Variants in PTPRN observed in about 807,000 individuals in gnomAD.
PTPRN encodes the protein receptor-type tyrosine-protein phosphatase-like N.
A neutral mutation model predicts 108.5 loss-of-function variants in PTPRN; 70 were observed. That is an observed-to-expected ratio of 0.65 (90% confidence interval 0.53 to 0.79). The LOEUF (loss-of-function observed/expected upper bound fraction) is 0.79, where lower values mean the gene tolerates loss of function less well. PTPRN is among the 30% of genes least tolerant of loss of function. The probability of loss-of-function intolerance (pLI) is 0.00; values close to 1 mark genes in which losing one functional copy is unlikely to be tolerated. For missense variants in PTPRN, 1,136 were observed against 1,295.5 expected, an observed-to-expected ratio of 0.88 and a Z score of 1.89; for synonymous variants, 496 against 524.6, an observed-to-expected ratio of 0.95 and a Z score of 0.75.
At position 219,296,841 on chromosome 2, in the gene PTPRN, C is replaced by T. The variant is rs770541820; in HGVS notation, c.2237-19G>A. On this transcript the variant is annotated intron_variant, in intron 15 of 22. Transcript: ENST00000295718. The surrounding 1 kb of genome is among the most constrained non-coding windows in gnomAD (Gnocchi z 6.0). ...TGGTCATCTGCACAGACCCGACACC[C>T]CACCCCAGATGGCCCTCTGGTCATT... is the stretch of plus-strand genomic sequence containing the variant. 10 of 1,613,978 alleles carry T rather than the reference C, an allele frequency of 6.2e-6. No homozygotes were observed. Among genetic ancestry groups the T allele is most frequent in the Non-Finnish European group, 8.5e-6 (10 of 1,180,004 alleles).
At position 219,298,111 on chromosome 2, in the gene PTPRN, A is replaced by G; in HGVS notation, c.1669-8T>C. 1 of 1,610,472 alleles carries G rather than the reference A, an allele frequency of 6.2e-7. No homozygotes were observed. The highest frequency in any genetic ancestry group is 8.5e-7 in the Non-Finnish European group (1 of 1,179,560). The stretch of plus-strand genomic sequence containing the variant: ...TGCAGCTGCCTCCTCCCTCTGTGGG[A>G]ACAAGGCTAGAATCAAGGGAGGCAG... On this transcript the variant is annotated splice_polypyrimidine_tract_variant and splice_region_variant and intron_variant, in intron 12 of 22. Transcript: ENST00000295718.
chr2:219,291,001 C>T (rs1952042383), intron 20 of PTPRN, 111 bp from the exon 21 acceptor site: 5 of 1,073,364 alleles, frequency 4.7e-6, no homozygotes, highest in East Asian at 4.9e-5. Flanking sequence ...CTGGGTGACC[C>T]GTTGGGGTTG....
At chr2:219,291,039 T>C in intron 20 of PTPRN, 149 bp from the exon 21 acceptor site, 2 of 739,586 alleles carry the variant, frequency 2.7e-6, no homozygotes, top group Non-Finnish European at 4.7e-6. Flanking sequence ...GAGCCGAGGA[T>C]GAAGGAAAGC....
At chr2:219,298,171 C>A in intron 12 of PTPRN, 68 bp from the exon 13 acceptor site, 2 of 1,472,030 alleles carry the variant, frequency 1.4e-6, no homozygotes, top group East Asian at 2.3e-5. Context: ...CTCCTCACCC[C>A]GGTCCCATGC....
At chr2:219,291,641 A>G in intron 19 of PTPRN, 118 bp from the exon 20 acceptor site, 1 of 1,073,186 alleles carries the variant, frequency 9.3e-7, no homozygotes, top group African/African-American at 1.6e-5. Flanking sequence ...CGGGGCAGAG[A>G]GGGAAGATGG....
At chr2:219,307,604 T>A in intron 2 of PTPRN, 47 bp from the exon 3 acceptor site, 1 of 1,565,782 alleles carries the variant, frequency 6.4e-7, no homozygotes, top group Non-Finnish European at 8.8e-7. Context: ...ATAAGAGGCC[T>A]TCCAAAGTCC....
intron 7 of PTPRN, among the ~76,000 whole-genome samples, chr2:219,301,224 C>T (rs1394890400): frequency 6.6e-6 from 1 of 152,190 alleles, no homozygotes; most frequent in Non-Finnish European, 1.5e-5. Flanking sequence ...CAAAGCTATT[C>T]TTTGTTCAGT....
Position 219,295,148 on chromosome 2 carries a change from G to A in PTPRN, c.2509-7C>T, listed in dbSNP as rs752405911. On this transcript the variant is annotated splice_region_variant and splice_polypyrimidine_tract_variant and intron_variant, in intron 18 of 22. Transcript: ENST00000295718. The stretch of plus-strand genomic sequence containing the variant: ...GCTCCGACACCAGGTTCACCTGCCC[G>A]GCAGGGGCCCAGGCCTGAGCGCCGC... 2.5e-6 allele frequency: 4 copies of A among 1,608,378 alleles called. No individual in the cohort carries two copies. The East Asian group carries it at 6.8e-5, about 27-fold the overall frequency.
rs556750300 is a variant in PTPRN at position 219,295,999 on chromosome 2, CACACAT to C, written c.2508+221_2508+226del. On this transcript the variant is annotated intron_variant, in intron 18 of 22. Coordinates refer to ENST00000295718, the MANE Select transcript of PTPRN (RefSeq NM_002846.4). Reference sequence around the variant, plus strand: ...GGACACACACACACACACACACACACACACATGTATGTTCTGTAAACAGGACACACA... The same window carrying C: ...GGACACACACACACACACACACACACGTATGTTCTGTAAACAGGACACACA... 2.1e-3 allele frequency: 1,244 copies of C among 588,558 alleles called. 11 individuals carry two copies. Among genetic ancestry groups the C allele is most frequent in the African/African-American group, 0.019 (1,008 of 52,968 alleles). 36.5% of individuals were successfully genotyped at this position (588,558 alleles called of 1,614,324 possible).
chr2:219,291,892 C>A (rs1287238226), intron 19 of PTPRN: 1 of 320,176 alleles, frequency 3.1e-6, no homozygotes, highest in South Asian at 3.4e-5. Context: ...GTCTGGCACA[C>A]AATAGGTGCT....
Position 219,295,161 on chromosome 2 carries a change from GC to G in PTPRN, c.2509-21del. 3 of 1,598,972 alleles carry G rather than the reference GC, an allele frequency of 1.9e-6. No homozygotes were observed. Among genetic ancestry groups the G allele is most frequent in the Non-Finnish European group, 2.6e-6 (3 of 1,173,464 alleles). The stretch of plus-strand genomic sequence containing the variant: ...GTTCACCTGCCCGGCAGGGGCCCAG[GC>G]CTGAGCGCCGCGGGCTGCCCCAGTC... On this transcript the variant is annotated intron_variant, in intron 18 of 22. Coordinates refer to ENST00000295718, the MANE Select transcript of PTPRN (RefSeq NM_002846.4).
Position 219,296,001 on chromosome 2 carries a change from CACAT to C in PTPRN, c.2508+221_2508+224del, listed in dbSNP as rs200697343. The C allele has an allele frequency of 2.1e-3, 1,227 of 583,604 alleles. 5 individuals carry two copies. Among genetic ancestry groups the C allele is most frequent in the East Asian group, 0.013 (402 of 30,806 alleles). 36.2% of individuals were successfully genotyped at this position (583,604 alleles called of 1,614,324 possible). A position where few individuals can be genotyped will look rare whatever the true frequency, so the allele number is the denominator to read the frequency against. On this transcript the variant is annotated intron_variant, in intron 18 of 22. Transcript: ENST00000295718. This position sits in a 1 kb window ranked among gnomAD's most constrained non-coding sequence, Gnocchi z 6.0. The stretch of plus-strand genomic sequence containing the variant: ...ACACACACACACACACACACACACA[CACAT>C]GTATGTTCTGTAAACAGGACACACA...
chr2:219,295,192 C>G, intron 18 of PTPRN, 51 bp from the exon 19 acceptor site: 2 of 1,579,372 alleles, frequency 1.3e-6, no homozygotes, highest in Non-Finnish European at 1.7e-6. Context: ...CCAGTCCCCG[C>G]GTTGCGCGCG....
At position 219,290,862 on chromosome 2, in the gene PTPRN, T is replaced by A; in HGVS notation, c.2758A>T (p.Ile920Phe). The change falls in exon 21 of 23, where the codon ATC becomes TTC. Residue 920 changes from isoleucine to phenylalanine, a missense_variant. Coordinates refer to ENST00000295718, the MANE Select transcript of PTPRN (RefSeq NM_002846.4). This position sits in a 1 kb window ranked among gnomAD's most constrained non-coding sequence, Gnocchi z 4.2. The stretch of plus-strand genomic sequence containing the variant: ...CGGTTCAGGACCATGTCGATGAGGA[T>A]GTAGGTGCCGGTCCTCCCCGCACCA... ...SDGAGRTGTY[I>F]LIDMVLNRMA... The A allele has an allele frequency of 6.2e-7, 1 of 1,613,928 alleles. No homozygotes were observed. Among genetic ancestry groups the A allele is most frequent in the Non-Finnish European group, 8.5e-7 (1 of 1,179,954 alleles).
In PTPRN at chr2:219,302,467, C is replaced by T. The variant is rs1414123282; in HGVS notation, c.664G>A (p.Val222Ile). 6 of 1,613,872 alleles carry T rather than the reference C, an allele frequency of 3.7e-6. No homozygotes were observed. ...HQFGSRDGSR[V>I]SEGSPGMVSV... ...ACCATCCCTGGGGAGCCCTCTGAGA[C>T]CCTGGAGCCATCACGGGAGCCAAAC... The change falls in exon 6 of 23, where the codon GTC (valine) becomes ATC (isoleucine). Residue 222 changes from valine (V) to isoleucine (I), a missense_variant. By Grantham distance (29) the Val-to-Ile change is conservative. Coordinates refer to ENST00000295718, the MANE Select transcript of PTPRN (RefSeq NM_002846.4).
Position 219,302,650 on chromosome 2 carries a change from G to T in PTPRN, c.565C>A (p.Leu189Met), listed in dbSNP as rs1181242319. 5 of 1,613,838 alleles carry T rather than the reference G, an allele frequency of 3.1e-6. No homozygotes were observed. Among genetic ancestry groups the T allele is most frequent in the Non-Finnish European group, 4.2e-6 (5 of 1,179,948 alleles). Residue 189 changes from leucine (L) to methionine (M), a missense_variant, in exon 5 of 23, where the codon CTG (leucine) becomes ATG (methionine). By Grantham distance (15) the Leu-to-Met change is conservative. Coordinates refer to ENST00000295718, the MANE Select transcript of PTPRN (RefSeq NM_002846.4). ...GGGTGGGGAGGCTGTGGGGGCAGCA[G>T]CAGGTGCTCCAAGAGAGGCGGGAGC... ...ELLPPLLEHL[L>M]LPPQPPHPSL...
intron 3 of PTPRN, among the ~76,000 whole-genome samples, chr2:219,306,019 G>A (rs1354743769): frequency 3.9e-5 from 6 of 152,000 alleles, no homozygotes; most frequent in East Asian, 1.9e-4. Context: ...GCATGGTGGC[G>A]CGCACATGTA....
Position 219,290,331 on chromosome 2 carries a change from A to C in PTPRN, c.2869-34T>G. On this transcript the variant is annotated intron_variant, in intron 22 of 22. Coordinates refer to ENST00000295718, the MANE Select transcript of PTPRN (RefSeq NM_002846.4). This position sits in a 1 kb window ranked among gnomAD's most constrained non-coding sequence, Gnocchi z 4.2. Reference sequence around the variant, plus strand: ...GGGCAGTGGTAGGATGGTCATGGAGAGGGCTGACCTGTGCTCTGCCCTCAA... The same window carrying C: ...GGGCAGTGGTAGGATGGTCATGGAGCGGGCTGACCTGTGCTCTGCCCTCAA... The C allele has an allele frequency of 1.3e-6, 2 of 1,584,750 alleles. No individual in the cohort carries two copies. Among genetic ancestry groups the C allele is most frequent in the Non-Finnish European group, 1.7e-6 (2 of 1,157,676 alleles).
Position 219,302,161 on chromosome 2 carries a change from G to C in PTPRN, c.970C>G (p.Pro324Ala). 2 of 1,592,242 alleles carry C rather than the reference G, an allele frequency of 1.3e-6. No individual in the cohort carries two copies. Residue 324 changes from proline to alanine, a missense_variant, in exon 6 of 23, where the codon CCT (proline) becomes GCT (alanine). Physicochemically the swap from Pro to Ala is conservative, Grantham distance 27. Coordinates refer to ENST00000295718, the MANE Select transcript of PTPRN (RefSeq NM_002846.4). ...CCTGGCTGCACAGCTGGGGAAGCAG[G>C]CTTCTCTCCACGATCCCCTAGTCCT... The part of the protein sequence containing the change: ...KEGLGDRGEK[P>A]ASPAVQPDAA...
Sources: gnomAD v4.1 joint callset for allele counts (sites outside exome capture counted in the v4.1 genomes callset) on GRCh38, gnomAD v4.1.1 for gene constraint, Gnocchi (gnomAD v3.1) non-coding constraint, MANE v1.5 for transcripts, NCBI Gene and HGNC (gene_info 2026-07-23, HGNC 2026-07-21) for gene names.